The following CYP4A11 variants were observed in gnomAD, a reference collection of about 807,000 sequenced individuals.
CYP4A11 encodes cytochrome P450 4A11.
Under a neutral mutation model 57.7 loss-of-function variants are expected in CYP4A11, and 52 were observed. The observed-to-expected ratio is 0.90, with a 90% CI of 0.72 to 1.14. CYP4A11 has a LOEUF of 1.14. Ranked by LOEUF, CYP4A11 falls within the 50% of genes most tolerant of loss-of-function variation. The pLI, the probability that CYP4A11 is intolerant of heterozygous loss-of-function variation, is 0.00. For missense variants in CYP4A11, 641 were observed against 642.1 expected, an observed-to-expected ratio of 1.00 and a Z score of 0.02; for synonymous variants, 228 against 247.1, an observed-to-expected ratio of 0.92 and a Z score of 0.72.
intron 3 of CYP4A11, 26 bp downstream of exon 3, chr1:46,937,276 G>T (rs1681467670): frequency 3.1e-6 from 5 of 1,612,354 alleles, no homozygotes; most frequent in Admixed American, 3.3e-5. Context: ...TAGGGAGTGG[G>T]CTGCAGTCCT....
rs140345183 is a variant in CYP4A11, at chr1:46,935,593, C to T, written c.565G>A (p.Val189Ile). 55 of 1,613,834 alleles carry T rather than the reference C, an allele frequency of 3.4e-5. No individual in the cohort carries two copies. Among genetic ancestry groups the T allele is most frequent in the East Asian group, 6.7e-5 (3 of 44,882 alleles). Residue 189 changes from valine to isoleucine, a missense_variant, in exon 5 of 12, where the codon GTC (valine) becomes ATC (isoleucine). Transcript: ENST00000310638. ...ATGGTGTCCAGGGTCATCAAGGAGA[C>T]GTGCTGAAAGACCTCCAGAGGGGAA... is the stretch of plus-strand genomic sequence containing the variant. ...QDSPLEVFQH[V>I]SLMTLDTIMK...
intron 11 of CYP4A11, chr1:46,932,083 A>G (rs1570055611): frequency 2.0e-6 from 2 of 979,568 alleles, no homozygotes; most frequent in South Asian, 9.4e-5. Flanking sequence ...AAAGATCTCA[A>G]GGCATGTACA....
At chr1:46,930,496 T>A (rs1343657050) in intron 11 of CYP4A11, among the ~76,000 whole-genome samples, 186 bp from the exon 12 acceptor site, 1 of 152,156 alleles carries the variant, frequency 6.6e-6, no homozygotes, top group Non-Finnish European at 1.5e-5. Flanking sequence ...TCCCAATCCT[T>A]GGACAGAGCC....
rs753438396 is a variant in CYP4A11 at position 46,934,519 on chromosome 1, C to T, written c.831G>A (p.Glu277=). Residue 277 remains glutamate (E), a synonymous_variant, in exon 7 of 12, where the codon GAG becomes GAA. Transcript: ENST00000310638. The stretch of plus-strand genomic sequence containing the variant: ...TCCTCTTGATCTTCTCCAGCTCCCC[C>T]TCCTTCTGTAGTTGAGCCTTCCTCA... ...IQLRKAQLQK[E]GELEKIKRKR... is the part of the protein sequence containing the mutation. 3.1e-6 allele frequency: 5 copies of T among 1,613,868 alleles called. No individual in the cohort carries two copies. The South Asian group carries it at 3.3e-5, about 11-fold the overall frequency.
chr1:46,941,285 T>C lies in CYP4A11; in HGVS notation c.149A>G (p.Gln50Arg). The C allele has an allele frequency of 1.2e-6, 2 of 1,614,134 alleles. No individual in the cohort carries two copies. Among genetic ancestry groups the C allele is most frequent in the Non-Finnish European group, 1.7e-6 (2 of 1,180,008 alleles). The change falls in exon 1 of 12, where the codon CAG becomes CGG. Residue 50 changes from glutamine (Q) to arginine (R), a missense_variant. Coordinates refer to ENST00000310638, the MANE Select transcript of CYP4A11 (RefSeq NM_000778.4). ...CCAGTGGGAGGGAGGGCACGGGAACTGCTGGAGGGCTTTGAGCAGCCACTG... is the reference window on the plus strand; with the variant it reads ...CCAGTGGGAGGGAGGGCACGGGAACCGCTGGAGGGCTTTGAGCAGCCACTG... ...HRQWLLKALQ[Q>R]FPCPPSHWLF... is the part of the protein sequence containing the mutation.
Position 46,936,701 on chromosome 1 carries a change from T to A in CYP4A11, c.473A>T (p.Tyr158Phe), listed in dbSNP as rs143639289. 2 of 1,613,358 alleles carry A rather than the reference T, an allele frequency of 1.2e-6. No individual in the cohort carries two copies. The highest frequency in any genetic ancestry group is 2.7e-5 in the African/African-American group (2 of 74,890). The change falls in exon 4 of 12, where the codon TAT (tyrosine) becomes TTT (phenylalanine). Residue 158 changes from tyrosine to phenylalanine, a missense_variant. By Grantham distance (22) the Tyr-to-Phe change is conservative. Coordinates refer to ENST00000310638, the MANE Select transcript of CYP4A11 (RefSeq NM_000778.4). ...PAFHYDILKP[Y>F]VGLMADSVRV... ...TACAGAGTCTGCCATGAGCCCCACATAGGGCTTCAGGATGTCATAGTGGAA... is the reference window on the plus strand; with the variant it reads ...TACAGAGTCTGCCATGAGCCCCACAAAGGGCTTCAGGATGTCATAGTGGAA...
At position 46,941,418 on chromosome 1, in the gene CYP4A11, G is replaced by A. The variant is rs1345778621; in HGVS notation, c.16C>T (p.Leu6=). The change falls in exon 1 of 12, where the codon CTG becomes TTG. Residue 6 remains leucine (L), a synonymous_variant. Coordinates refer to ENST00000310638, the MANE Select transcript of CYP4A11 (RefSeq NM_000778.4). MSVSV[L]SPSRLLGDVS... ...TCACCCAGGAGTCTGCTGGGGCTCA[G>A]CACAGAGACACTCATGGTGCAGCAC... 1 of 1,614,026 alleles carries A rather than the reference G, an allele frequency of 6.2e-7. No homozygotes were observed. Among genetic ancestry groups the A allele is most frequent in the Admixed American group, 1.7e-5 (1 of 60,022 alleles).
intron 4 of CYP4A11, among the ~76,000 whole-genome samples, 165 bp from the exon 5 acceptor site, chr1:46,935,812 AC>A (rs1243555953): frequency 6.6e-6 from 1 of 152,244 alleles, no homozygotes; most frequent in African/African-American, 2.4e-5. Context: ...AGAAACTGAG[AC>A]TGTAAAGCCA....
rs1173331126 is a variant in CYP4A11, at chr1:46,941,285, T to A, written c.149A>T (p.Gln50Leu). ...HRQWLLKALQQFPCPPSHWLF... is the reference protein window; with the variant it reads ...HRQWLLKALQLFPCPPSHWLF... ...CCAGTGGGAGGGAGGGCACGGGAAC[T>A]GCTGGAGGGCTTTGAGCAGCCACTG... is the stretch of plus-strand genomic sequence containing the variant. The change falls in exon 1 of 12, where the codon CAG becomes CTG. Residue 50 changes from glutamine to leucine, a missense_variant. By Grantham distance (113) the Gln-to-Leu change is moderately radical. Transcript: ENST00000310638. 1.2e-6 allele frequency: 2 copies of A among 1,614,134 alleles called. No homozygotes were observed. Among genetic ancestry groups the A allele is most frequent in the East Asian group, 4.5e-5 (2 of 44,828 alleles).
chr1:46,938,704 G>A (rs1391504137), intron 1 of CYP4A11, among the ~76,000 whole-genome samples: 1 of 152,218 alleles, frequency 6.6e-6, no homozygotes, highest in Non-Finnish European at 1.5e-5. Context: ...TGGAGTCTGA[G>A]TATATGCATA....
intron 4 of CYP4A11, among the ~76,000 whole-genome samples, 164 bp downstream of exon 4, chr1:46,936,500 C>T (rs1681397673): frequency 6.6e-6 from 1 of 152,204 alleles, no homozygotes; most frequent in Admixed American, 6.5e-5. Flanking sequence ...GTTCTCCTAC[C>T]TTATACAACT....
rs1423919224 is a variant in CYP4A11 at position 46,939,888 on chromosome 1, C to G, written c.195+1351G>C. Among the ~76,000 whole-genome samples the G allele has an allele frequency of 2.8e-5, 4 of 145,312 alleles. 1 individual carries two copies. The highest frequency in any genetic ancestry group is 1.0e-4 in the African/African-American group (4 of 38,436). Reference sequence around the variant, plus strand: ...AAGGCAGAGTGGTATTGGGACCAGTCCATATAGGGTTAGAACTTTGGCAGG... The same window carrying G: ...AAGGCAGAGTGGTATTGGGACCAGTGCATATAGGGTTAGAACTTTGGCAGG... On this transcript the variant is annotated intron_variant, in intron 1 of 11. Coordinates refer to ENST00000310638, the MANE Select transcript of CYP4A11 (RefSeq NM_000778.4).
At position 46,941,229 on chromosome 1, in the gene CYP4A11, T is replaced by A. The variant is rs1681730596; in HGVS notation, c.195+10A>T. 1 of 1,608,978 alleles carries A rather than the reference T, an allele frequency of 6.2e-7. No individual in the cohort carries two copies. Among genetic ancestry groups the A allele is most frequent in the African/African-American group, 1.3e-5 (1 of 74,892 alleles). On this transcript the variant is annotated intron_variant, in intron 1 of 11. Transcript: ENST00000310638. ...TTGCCCTCCCACTCCCCCATTGAGT[T>A]CCTCCCTACCTCCTGGATGTGCCCG...
intron 1 of CYP4A11, chr1:46,940,643 A>AC (rs1373619108): frequency 6.1e-6 from 6 of 984,820 alleles, no homozygotes; most frequent in Non-Finnish European, 2.4e-6. Flanking sequence ...ATCCTAAATC[A>AC]CCTGTTGTGG....
rs144757469 is a variant in CYP4A11 at position 46,935,033 on chromosome 1, G to C, written c.757C>G (p.His253Asp). The change falls in exon 6 of 12, where the codon CAC becomes GAC. Residue 253 changes from histidine (H) to aspartate (D), a missense_variant. Coordinates refer to ENST00000310638, the MANE Select transcript of CYP4A11 (RefSeq NM_000778.4). ...TGATGGGCCAGCTGGCAGGCGCGGTGTGTCCAGCGGCCAGCAGAGGTCAGG... is the reference window on the plus strand; with the variant it reads ...TGATGGGCCAGCTGGCAGGCGCGGTCTGTCCAGCGGCCAGCAGAGGTCAGG... ...YSLTSAGRWT[H>D]RACQLAHQHT... 1 of 1,614,114 alleles carries C rather than the reference G, an allele frequency of 6.2e-7. No individual in the cohort carries two copies. Among genetic ancestry groups the C allele is most frequent in the Non-Finnish European group, 8.5e-7 (1 of 1,180,000 alleles).
At chr1:46,930,600 A>G (rs1680962686) in intron 11 of CYP4A11, among the ~76,000 whole-genome samples, 1 of 152,224 alleles carries the variant, frequency 6.6e-6, no homozygotes, top group Admixed American at 6.5e-5. Context: ...TCTAAGGCAC[A>G]GAGTCTAATC....
chr1:46,940,813 T>A, intron 1 of CYP4A11: 4 of 985,428 alleles, frequency 4.1e-6, no homozygotes, highest in Non-Finnish European at 4.8e-6. Flanking sequence ...AAACTCCTCA[T>A]GGCATGGATT....
At chr1:46,939,742 A>C (rs1178286070) in intron 1 of CYP4A11, among the ~76,000 whole-genome samples, 1 of 149,926 alleles carries the variant, frequency 6.7e-6, no homozygotes, top group Non-Finnish European at 1.5e-5. Context: ...TGACAGATAG[A>C]TATGCGTGAG....
intron 11 of CYP4A11, among the ~76,000 whole-genome samples, chr1:46,931,179 G>T (rs1681004649): frequency 6.6e-6 from 1 of 152,128 alleles, no homozygotes; most frequent in South Asian, 2.1e-4. Context: ...AGATGGCTCA[G>T]AATGTCCTCC....
Sources: allele counts gnomAD v4.1 joint callset (sites outside exome capture counted in the v4.1 genomes callset), GRCh38; gene constraint gnomAD v4.1.1; transcripts MANE v1.5; gene names NCBI Gene and HGNC (gene_info 2026-07-23, HGNC 2026-07-21).